Variants in MYH15 observed in about 807,000 individuals in gnomAD.
MYH15 encodes myosin heavy chain 15, also known as myosin-15.
Under a neutral mutation model 240.5 loss-of-function variants are expected in MYH15, and 227 were observed. The observed-to-expected ratio is 0.94, with a 90% CI of 0.85 to 1.05. The LOEUF (loss-of-function observed/expected upper bound fraction) is 1.05. MYH15 is among the 50% of genes least tolerant of loss of function. MYH15 has a pLI of 0.00. For missense variants in MYH15, 2,217 were observed against 2,247.5 expected (o/e 0.99, Z 0.27); for synonymous variants, 785 against 796.7 (o/e 0.99, Z 0.25).
In MYH15 at chr3:108,410,752, G is replaced by A. The variant is rs1173569459; in HGVS notation, c.4326C>T (p.Gly1442=). The A allele has an allele frequency of 6.2e-7, 1 of 1,614,140 alleles. No homozygotes were observed. The part of the protein sequence containing the change: ...ARLDQKQLQS[G]KALADWKQKH... ...TCTGCTTCCAGTCGGCAAGGGCCTT[G>A]CCAGACTGCAGCTGCTTCTGGTCCA... Residue 1442 remains glycine, a synonymous_variant, in exon 31 of 41, where the codon GGC becomes GGT. Transcript: ENST00000693548.
chr3:108,536,684 C>A, the MYH15 span, among the ~76,000 whole-genome samples: 3 of 152,200 alleles, frequency 2.0e-5, no homozygotes, highest in African/African-American at 7.2e-5. Context: ...GCTTCAGTGA[C>A]AAAAGAGTAA....
chr3:108,527,344 C>T (rs1438772986), intron 1 of MYH15, among the ~76,000 whole-genome samples: 1 of 152,076 alleles, frequency 6.6e-6, no homozygotes, highest in Non-Finnish European at 1.5e-5. Context: ...TCTGGTGACC[C>T]AGACAGACAC....
intron 1 of MYH15, among the ~76,000 whole-genome samples, chr3:108,507,253 A>G (rs796193886): frequency 8.6e-5 from 4 of 46,740 alleles, no homozygotes; most frequent in South Asian, 7.9e-4. Flanking sequence ...ATATATATAT[A>G]TATATATATA....
intron 21 of MYH15, among the ~76,000 whole-genome samples, chr3:108,452,031 GA>G (rs1320325935): frequency 3.3e-5 from 5 of 151,322 alleles, no homozygotes; most frequent in South Asian, 2.1e-4. Context: ...TTGTTAAAGG[GA>G]AATGATAGCT....
intron 28 of MYH15, 88 bp from the exon 29 acceptor site, chr3:108,417,018 G>A (rs2082639756): frequency 1.0e-6 from 1 of 975,384 alleles, no homozygotes; most frequent in Non-Finnish European, 1.6e-6. Context: ...AGGGTAGCCA[G>A]AATGACTCCT....
At chr3:108,439,993 C>A in intron 23 of MYH15, 80 bp from the exon 24 acceptor site, 3 of 1,277,856 alleles carry the variant, frequency 2.3e-6, no homozygotes, top group South Asian at 3.7e-5. Flanking sequence ...TCTCTTCTGT[C>A]GTCCAAAACT....
At chr3:108,410,146 T>C (rs1159746279) in intron 31 of MYH15, among the ~76,000 whole-genome samples, 1 of 152,190 alleles carries the variant, frequency 6.6e-6, no homozygotes, top group Non-Finnish European at 1.5e-5. Flanking sequence ...CACTAGACTA[T>C]TCTGAAAATT....
rs74885847 is a variant in MYH15 at position 108,453,508 on chromosome 3, T to G, written c.2399+498A>C. The stretch of plus-strand genomic sequence containing the variant: ...AATAGACAAAACCAATGCCTAAGAA[T>G]GTACAAGCATGGTGATAAATGTCCC... On this transcript the variant is annotated intron_variant, in intron 21 of 40. Transcript: ENST00000693548. Among the ~76,000 whole-genome samples, 320 of 152,290 alleles carry G rather than the reference T, an allele frequency of 2.1e-3. 1 individual carries two copies. The highest frequency in any genetic ancestry group is 7.1e-3 in the African/African-American group (297 of 41,570).
chr3:108,478,838 C>G (rs1405051964), intron 11 of MYH15, among the ~76,000 whole-genome samples: 4 of 152,066 alleles, frequency 2.6e-5, no homozygotes, highest in African/African-American at 4.8e-5. Flanking sequence ...TATTTTTATC[C>G]ATGAACAAAA....
chr3:108,522,544 T>G (rs991001456), intron 1 of MYH15, among the ~76,000 whole-genome samples: 1 of 152,024 alleles, frequency 6.6e-6, no homozygotes, highest in Admixed American at 6.6e-5. Context: ...GATAATTGAC[T>G]TGACGACAAA....
At chr3:108,433,773 A>G (rs1317052982) in intron 25 of MYH15, among the ~76,000 whole-genome samples, 1 of 152,176 alleles carries the variant, frequency 6.6e-6, no homozygotes, top group Non-Finnish European at 1.5e-5. Context: ...AGGCCTCCCA[A>G]GACATGTGGA....
intron 3 of MYH15, 44 bp from the exon 4 acceptor site, chr3:108,500,318 A>G (rs1207710637): frequency 1.9e-6 from 3 of 1,576,408 alleles, no homozygotes; most frequent in African/African-American, 1.4e-5. Flanking sequence ...GATTAGAAAT[A>G]CTTCCAGGTT....
chr3:108,470,557 T>C, intron 13 of MYH15, 141 bp downstream of exon 13: 1 of 695,430 alleles, frequency 1.4e-6, no homozygotes, highest in Middle Eastern at 3.2e-4. Context: ...ATATTAATTA[T>C]AGCTCTTTTC....
chr3:108,535,044 T>C, the MYH15 span, among the ~76,000 whole-genome samples: 4 of 152,114 alleles, frequency 2.6e-5, no homozygotes, highest in Admixed American at 6.5e-5. Flanking sequence ...CTGGGGTCTA[T>C]TATCTCAAAA....
At chr3:108,390,319 T>C (rs183250477) in intron 37 of MYH15, among the ~76,000 whole-genome samples, 1 of 152,308 alleles carries the variant, frequency 6.6e-6, no homozygotes, top group Admixed American at 6.5e-5. Context: ...TTCCTTAGTA[T>C]TATCTGATAT....
rs559974596 is a variant in MYH15, at chr3:108,483,348, A to G, written c.1114+1743T>C. ...ACATAAAAAGATGTTCAACATCACC[A>G]ATCAGTAGGGAAATGCAAATCAAAA... On this transcript the variant is annotated intron_variant, in intron 11 of 40. Transcript: ENST00000693548. Among the ~76,000 whole-genome samples, 3 of 152,190 alleles carry G rather than the reference A, an allele frequency of 2.0e-5. No individual in the cohort carries two copies. In the East Asian group the frequency reaches 5.8e-4, roughly 29 times the overall value.
intron 1 of MYH15, among the ~76,000 whole-genome samples, chr3:108,524,269 T>C (rs963031522): frequency 2.6e-5 from 4 of 152,074 alleles, no homozygotes; most frequent in African/African-American, 4.8e-5. Context: ...AATATTTCAT[T>C]GTTAGTTTAA....
At chr3:108,509,119 C>T (rs868427305) in intron 1 of MYH15, among the ~76,000 whole-genome samples, 2 of 152,032 alleles carry the variant, frequency 1.3e-5, no homozygotes, top group African/African-American at 2.4e-5. Flanking sequence ...CCATTTGACC[C>T]GAGTTCAAAA....
chr3:108,419,032 C>T (rs113068197), intron 28 of MYH15, among the ~76,000 whole-genome samples: 1 of 152,142 alleles, frequency 6.6e-6, no homozygotes, highest in African/African-American at 2.4e-5. Flanking sequence ...GGATTACAGG[C>T]ATGAGCCACT....
Sources: allele counts gnomAD v4.1 joint callset (sites outside exome capture counted in the v4.1 genomes callset), GRCh38; gene constraint gnomAD v4.1.1; transcripts MANE v1.5; gene names NCBI Gene and HGNC (gene_info 2026-07-23, HGNC 2026-07-21).